STK4: variants seen among roughly 807,000 people sequenced by gnomAD.
The protein encoded by STK4 is serine/threonine kinase 4.
STK4 carries 30 observed loss-of-function variants against 64.9 expected under a neutral mutation model. The ratio of observed to expected loss-of-function variants is 0.46; its 90% CI spans 0.35 to 0.63. The LOEUF is 0.63. Among genes scored for constraint, STK4 ranks in the 20% least tolerant of loss-of-function variants. The probability of loss-of-function intolerance (pLI) is 0.01; values close to 1 mark genes in which losing one functional copy is unlikely to be tolerated. For missense variants in STK4, 466 were observed against 598.5 expected, an observed-to-expected ratio of 0.78 and a Z score of 2.31; for synonymous variants, 177 against 199.0, an observed-to-expected ratio of 0.89 and a Z score of 0.93.
intron 2 of STK4, chr20:44,974,992 TTTTC>T (rs1169132996): frequency 1.3e-5 from 2 of 152,204 alleles, no homozygotes; most frequent in African/African-American, 4.8e-5. Context: ...CTAGCACCTT[TTTTC>T]TTCTACTTAA....
chr20:44,995,987 A>G (rs150552956), intron 6 of STK4, among the ~76,000 whole-genome samples: 1 of 152,348 alleles, frequency 6.6e-6, no homozygotes, highest in African/African-American at 2.4e-5. Context: ...GTCACCAAGT[A>G]TTAGCTGCCA....
chr20:45,073,259 A>AT lies in STK4; in HGVS notation c.1306-1749dup, dbSNP rs145436509. ...ATAAAACCACAGGCTGGAAAGATGC[A>AT]TTTTTTTTTTCAGCCCGACTTTCCA... is the stretch of plus-strand genomic sequence containing the variant. On this transcript the variant is annotated intron_variant, in intron 10 of 10. Coordinates refer to ENST00000372806, the MANE Select transcript of STK4 (RefSeq NM_006282.5). Among the ~76,000 whole-genome samples, 100 of 149,070 alleles carry AT rather than the reference A, an allele frequency of 6.7e-4. 2 individuals carry two copies. The East Asian group carries it at 0.017, about 25-fold the overall frequency.
chr20:44,991,160 C>T (rs1366403025), intron 5 of STK4, among the ~76,000 whole-genome samples: 6 of 152,148 alleles, frequency 3.9e-5, no homozygotes, highest in Non-Finnish European at 7.4e-5. Flanking sequence ...GTCATCTTTA[C>T]CCAAGACTCT....
chr20:44,974,097 T>G (rs893246466), intron 2 of STK4: 1 of 152,230 alleles, frequency 6.6e-6, no homozygotes. Flanking sequence ...TTTATTTTTG[T>G]AGAGACGAGG....
intron 10 of STK4, among the ~76,000 whole-genome samples, chr20:45,030,610 G>A (rs75278933): frequency 0.029 from 4,402 of 152,164 alleles, 101 homozygotes; most frequent in Middle Eastern, 0.044. Flanking sequence ...CTGAATATTT[G>A]TCTCATTTCT....
chr20:45,031,328 T>C (rs1337612552), intron 10 of STK4, among the ~76,000 whole-genome samples: 1 of 152,004 alleles, frequency 6.6e-6, no homozygotes, highest in Non-Finnish European at 1.5e-5. Context: ...ACATAGACTA[T>C]GTGTAAGGAA....
chr20:45,078,670 T>A lies in STK4; in HGVS notation c.*3494T>A, dbSNP rs889615412. ...AAGGGTAGGAGGATGCATGGATGAG[T>A]GGATGAGTGGATCGATGGATGTATT... On this transcript the variant is annotated 3_prime_UTR_variant, in exon 11 of 11. Coordinates refer to ENST00000372806, the MANE Select transcript of STK4 (RefSeq NM_006282.5). 2 of 150,120 alleles carry A rather than the reference T, an allele frequency of 1.3e-5. No homozygotes were observed. The highest frequency in any genetic ancestry group is 3.0e-5 in the Non-Finnish European group (2 of 67,736). The allele number at this position is 150,120 out of a possible 1,614,324, so 9.3% of individuals were successfully genotyped here.
At chr20:44,981,132 T>C (rs953518319) in intron 3 of STK4, among the ~76,000 whole-genome samples, 7 of 152,112 alleles carry the variant, frequency 4.6e-5, no homozygotes, top group African/African-American at 1.7e-4. Flanking sequence ...CATGGATTCA[T>C]GATATTTTAT....
At chr20:45,049,735 C>T (rs1031671850) in intron 10 of STK4, among the ~76,000 whole-genome samples, 7 of 152,108 alleles carry the variant, frequency 4.6e-5, no homozygotes, top group African/African-American at 1.7e-4. Flanking sequence ...TGGAGTTTTA[C>T]GTACAGTGAT....
intron 9 of STK4, among the ~76,000 whole-genome samples, chr20:45,002,711 A>C (rs998830791): frequency 2.0e-5 from 3 of 152,192 alleles, no homozygotes; most frequent in Non-Finnish European, 2.9e-5. Context: ...GCAATGATCA[A>C]CTCACTGCCC....
intron 5 of STK4, 148 bp downstream of exon 5, chr20:44,987,444 G>GT: frequency 1.3e-6 from 1 of 751,934 alleles, no homozygotes. Flanking sequence ...AAAAGAGCTA[G>GT]TTAGTGGGTT....
At chr20:45,055,528 AT>A (rs201056184) in intron 10 of STK4, among the ~76,000 whole-genome samples, 11 of 147,622 alleles carry the variant, frequency 7.5e-5, no homozygotes, top group Middle Eastern at 3.5e-3. Flanking sequence ...TCAAAGTGTA[AT>A]TTTTTTTTTA....
intron 10 of STK4, among the ~76,000 whole-genome samples, chr20:45,026,491 G>A (rs2068350583): frequency 6.6e-6 from 1 of 151,962 alleles, no homozygotes; most frequent in Non-Finnish European, 1.5e-5. Context: ...GGACTTGGCT[G>A]GTATGTTTAC....
At chr20:45,073,060 C>T (rs1301811313) in intron 10 of STK4, among the ~76,000 whole-genome samples, 1 of 152,126 alleles carries the variant, frequency 6.6e-6, no homozygotes, top group Non-Finnish European at 1.5e-5. Context: ...GGTTACATAG[C>T]CAGTACAGAT....
intron 10 of STK4, among the ~76,000 whole-genome samples, chr20:45,067,241 G>A (rs1323745816): frequency 6.6e-6 from 1 of 152,100 alleles, no homozygotes; most frequent in Non-Finnish European, 1.5e-5. Context: ...AATTCCAAAG[G>A]TGTGTTCTTT....
At position 45,053,424 on chromosome 20, in the gene STK4, GCTT is replaced by G. The variant is rs754152547; in HGVS notation, c.1306-21587_1306-21585del. ...TGCTTGATCCATGGCTGCTTGGCAG[GCTT>G]CTTCTTTAGCGTTCATTCTTGTGGC... On this transcript the variant is annotated intron_variant, in intron 10 of 10. Transcript: ENST00000372806. 2.0e-5 allele frequency among the ~76,000 whole-genome samples: 3 copies of G among 152,134 alleles called. No individual in the cohort carries two copies. In the East Asian group the frequency reaches 5.8e-4, roughly 29 times the overall value.
At chr20:44,982,303 A>G (rs1194436781) in intron 4 of STK4, among the ~76,000 whole-genome samples, 1 of 142,918 alleles carries the variant, frequency 7.0e-6, no homozygotes, top group Admixed American at 7.0e-5. Context: ...TTGTTTTTTA[A>G]TTTTTTTTTT....
At chr20:45,038,379 A>C (rs1338366822) in intron 10 of STK4, among the ~76,000 whole-genome samples, 2 of 150,452 alleles carry the variant, frequency 1.3e-5, no homozygotes, top group Non-Finnish European at 2.9e-5. Flanking sequence ...CCTTAATGCC[A>C]AAAAATGCCT....
chr20:45,010,814 C>G (rs1000109848), intron 9 of STK4, among the ~76,000 whole-genome samples: 1 of 152,150 alleles, frequency 6.6e-6, no homozygotes, highest in African/African-American at 2.4e-5. Context: ...ACCAGTTACT[C>G]TACATATGTC....
Sources: allele counts gnomAD v4.1 joint callset (sites outside exome capture counted in the v4.1 genomes callset), GRCh38; gene constraint gnomAD v4.1.1; transcripts MANE v1.5; gene names NCBI Gene and HGNC (gene_info 2026-07-23, HGNC 2026-07-21).